LRRC7: variants seen among roughly 807,000 people sequenced by gnomAD.
LRRC7 encodes leucine rich repeat containing 7, also known as leucine-rich repeat-containing protein 7.
Under a neutral mutation model 175.7 loss-of-function variants are expected in LRRC7, and 23 were observed. That is an observed-to-expected ratio of 0.13 (90% CI 0.09 to 0.19). LRRC7 has a LOEUF of 0.19. Among genes scored for constraint, LRRC7 ranks in the 10% least tolerant of loss-of-function variants. LRRC7 has a pLI of 1.00. For missense variants in LRRC7, 1,354 were observed against 1,904.7 expected, an observed-to-expected ratio of 0.71 and a Z score of 5.38; for synonymous variants, 685 against 680.9, an observed-to-expected ratio of 1.01 and a Z score of -0.09.
chr1:70,035,232 T>A (rs992027241), intron 18 of LRRC7, among the ~76,000 whole-genome samples: 5 of 152,140 alleles, frequency 3.3e-5, no homozygotes, highest in Admixed American at 1.3e-4. Context: ...TATCACTACT[T>A]ATGGGCATAG....
In LRRC7 at chr1:69,924,489, TAGTTCTCCTTGA is replaced by T. The variant is rs1305369278; in HGVS notation, c.648-7015_648-7004del. 3.3e-5 allele frequency among the ~76,000 whole-genome samples: 5 copies of T among 152,344 alleles called. No individual in the cohort carries two copies. In the South Asian group the frequency reaches 8.3e-4, roughly 25 times the overall value. On this transcript the variant is annotated intron_variant, in intron 7 of 26. Coordinates refer to ENST00000651989, the MANE Select transcript of LRRC7 (RefSeq NM_001370785.2). ...TTTTATTTCATTGAGCAGTGGTTTG[TAGTTCTCCTTGA>T]AGAGTTCCTTCACGTCCCTTGTAAG...
intron 18 of LRRC7, among the ~76,000 whole-genome samples, chr1:70,034,241 C>T (rs1481888563): frequency 6.6e-6 from 1 of 152,090 alleles, no homozygotes; most frequent in Non-Finnish European, 1.5e-5. Context: ...CACCTTAAAA[C>T]TGTCATACAT....
chr1:69,724,159 A>T (rs1418657157), intron 2 of LRRC7, among the ~76,000 whole-genome samples: 1 of 152,174 alleles, frequency 6.6e-6, no homozygotes, highest in Non-Finnish European at 1.5e-5. Context: ...CATCTGTGAA[A>T]AAAATGGATA....
chr1:69,731,076 C>T (rs765781069), intron 2 of LRRC7, among the ~76,000 whole-genome samples: 1 of 151,768 alleles, frequency 6.6e-6, no homozygotes, highest in Non-Finnish European at 1.5e-5. Context: ...CTGAGGTGGG[C>T]GGATCATGAA....
chr1:69,632,780 A>G (rs1042300064), intron 1 of LRRC7, among the ~76,000 whole-genome samples: 1 of 152,172 alleles, frequency 6.6e-6, no homozygotes, highest in Admixed American at 6.6e-5. Context: ...AATAATGACT[A>G]TATATGGGAT....
In LRRC7 at chr1:70,142,759, A is replaced by G. The variant is rs1452425028; in HGVS notation, c.*20872A>G. ...TCCCCCAACCAGCTATATATAAGAA[A>G]ACCATAACATGAACTAGGGTCTTTC... On this transcript the variant is annotated 3_prime_UTR_variant, in exon 27 of 27. Coordinates refer to ENST00000651989, the MANE Select transcript of LRRC7 (RefSeq NM_001370785.2). 6.6e-6 allele frequency: 1 copy of G among 152,148 alleles called. No homozygotes were observed. Among genetic ancestry groups the G allele is most frequent in the African/African-American group, 2.4e-5 (1 of 41,464 alleles). The allele number at this position is 152,148 out of a possible 1,614,324, so 9.4% of individuals were successfully genotyped here.
intron 7 of LRRC7, among the ~76,000 whole-genome samples, chr1:69,885,419 A>T (rs1687080045): frequency 1.4e-5 from 2 of 145,076 alleles, no homozygotes; most frequent in South Asian, 4.3e-4. Context: ...TGTTTGTAGT[A>T]TTCTCTGATG....
intron 1 of LRRC7, among the ~76,000 whole-genome samples, chr1:69,668,878 G>T (rs565767158): frequency 1.3e-5 from 2 of 152,246 alleles, no homozygotes; most frequent in South Asian, 2.1e-4. Context: ...GTTTTGATTT[G>T]CATTTCTCTG....
intron 3 of LRRC7, among the ~76,000 whole-genome samples, chr1:69,764,031 A>G (rs1370010657): frequency 6.6e-6 from 1 of 151,784 alleles, no homozygotes; most frequent in Non-Finnish European, 1.5e-5. Flanking sequence ...GGCATTAGGG[A>G]AGATATATCA....
At position 69,727,744 on chromosome 1, in the gene LRRC7, C is replaced by T. The variant is rs1203873096; in HGVS notation, c.101-32447C>T. ...GAGTGTATTGAAGAGTCTGGTTTTA[C>T]ATATTTTCTGTGGGACTTTACATTT... On this transcript the variant is annotated intron_variant, in intron 2 of 26. Transcript: ENST00000651989. Among the ~76,000 whole-genome samples the T allele has an allele frequency of 2.6e-5, 4 of 152,286 alleles. No homozygotes were observed. In the East Asian group the frequency reaches 7.7e-4, roughly 29 times the overall value.
intron 24 of LRRC7, among the ~76,000 whole-genome samples, chr1:70,086,006 C>T (rs1341992606): frequency 6.6e-6 from 1 of 152,140 alleles, no homozygotes; most frequent in Non-Finnish European, 1.5e-5. Context: ...AATTGAGGTA[C>T]TCTTTGAATA....
intron 23 of LRRC7, among the ~76,000 whole-genome samples, chr1:70,075,630 A>G (rs926067640): frequency 1.8e-4 from 27 of 152,208 alleles, no homozygotes; most frequent in Non-Finnish European, 2.1e-4. Flanking sequence ...GGTTTTACTC[A>G]TCTGAACAAA....
intron 8 of LRRC7, among the ~76,000 whole-genome samples, chr1:69,961,345 A>G (rs1285955186): frequency 2.6e-5 from 4 of 152,196 alleles, no homozygotes; most frequent in African/African-American, 9.7e-5. Context: ...AAACAAACAA[A>G]TGGAAAAACA....
At chr1:69,916,878 A>G (rs560441096) in intron 7 of LRRC7, among the ~76,000 whole-genome samples, 1 of 152,284 alleles carries the variant, frequency 6.6e-6, no homozygotes, top group South Asian at 2.1e-4. Context: ...AGAAAATAAA[A>G]TAGGGTAATA....
In LRRC7 at chr1:69,919,270, A is replaced by G. The variant is rs2101729612; in HGVS notation, c.648-12237A>G. On this transcript the variant is annotated intron_variant, in intron 7 of 26. Coordinates refer to ENST00000651989, the MANE Select transcript of LRRC7 (RefSeq NM_001370785.2). ...TGTGGTTGTAGTACACAAGCAGCCA[A>G]ATGTATTTGCTAGATACATTAGCAA... 8.3e-6 allele frequency: 4 copies of G among 481,874 alleles called. No homozygotes were observed. The South Asian group carries it at 1.1e-4, about 14-fold the overall frequency. 29.8% of individuals were successfully genotyped at this position (481,874 alleles called of 1,614,324 possible). A position where few individuals can be genotyped will look rare whatever the true frequency, so the allele number is the denominator to read the frequency against.
intron 7 of LRRC7, among the ~76,000 whole-genome samples, chr1:69,891,199 TAA>T (rs1380248652): frequency 6.6e-6 from 1 of 152,226 alleles, no homozygotes; most frequent in African/African-American, 2.4e-5. Context: ...GCTTTTGATT[TAA>T]AGTGGAAGAC....
At chr1:69,740,546 T>C (rs1270098525) in intron 2 of LRRC7, among the ~76,000 whole-genome samples, 17 of 152,032 alleles carry the variant, frequency 1.1e-4, no homozygotes, top group Non-Finnish European at 2.9e-5. Context: ...TACAGCCAAG[T>C]GGTAGAAGAT....
chr1:69,787,811 A>G (rs1569866929), intron 3 of LRRC7, among the ~76,000 whole-genome samples: 1 of 152,124 alleles, frequency 6.6e-6, no homozygotes, highest in East Asian at 1.9e-4. Flanking sequence ...CCCATGATTC[A>G]ATTACCTCCC....
At chr1:70,109,867 A>G (rs916899530) in intron 26 of LRRC7, among the ~76,000 whole-genome samples, 5 of 152,228 alleles carry the variant, frequency 3.3e-5, no homozygotes, top group Non-Finnish European at 1.5e-5. Context: ...TTTAAATCCT[A>G]GAGTCTGGAA....
Sources: allele counts gnomAD v4.1 joint callset (sites outside exome capture counted in the v4.1 genomes callset), GRCh38; gene constraint gnomAD v4.1.1; transcripts MANE v1.5; gene names NCBI Gene and HGNC (gene_info 2026-07-23, HGNC 2026-07-21).